Variants in TBCEL observed in about 807,000 individuals in gnomAD.
TBCEL encodes tubulin folding cofactor E like, also known as tubulin-specific chaperone cofactor E-like protein.
Under a neutral mutation model 44.2 loss-of-function variants are expected in TBCEL, and 15 were observed. That is an observed-to-expected ratio of 0.34 (90% CI 0.23 to 0.52). The LOEUF (loss-of-function observed/expected upper bound fraction) is 0.52. TBCEL is among the 20% of genes least tolerant of loss of function. The pLI, the probability that TBCEL is intolerant of heterozygous loss-of-function variation, is 0.95. For synonymous variants in TBCEL, 171 were observed against 185.4 expected (o/e 0.92, Z 0.63); for missense variants, 319 against 506.3 (o/e 0.63, Z 3.55).
chr11:121,035,722 T>G (rs964579679), intron 1 of TBCEL: 3 of 152,204 alleles, frequency 2.0e-5, no homozygotes, highest in Admixed American at 6.5e-5. Flanking sequence ...CTTAAACTTG[T>G]GTGTTCACAG....
At chr11:121,075,192 A>G (rs1210717647) in intron 8 of TBCEL, among the ~76,000 whole-genome samples, 1 of 152,036 alleles carries the variant, frequency 6.6e-6, no homozygotes, top group Non-Finnish European at 1.5e-5. Flanking sequence ...GATACTGGTC[A>G]CAAACATACA....
intron 8 of TBCEL, among the ~76,000 whole-genome samples, chr11:121,074,520 C>G (rs1209698927): frequency 2.6e-5 from 4 of 151,824 alleles, no homozygotes; most frequent in African/African-American, 9.7e-5. Context: ...CTATTTCTGC[C>G]TTTCCATTTT....
At chr11:121,083,430 A>G (rs1392335582) in intron 8 of TBCEL, among the ~76,000 whole-genome samples, 2 of 152,244 alleles carry the variant, frequency 1.3e-5, no homozygotes, top group Admixed American at 6.5e-5. Context: ...ACGAAAGACT[A>G]GAAGAGAACA....
intron 8 of TBCEL, among the ~76,000 whole-genome samples, chr11:121,081,537 A>G (rs1189021594): frequency 6.6e-6 from 1 of 152,174 alleles, no homozygotes; most frequent in Non-Finnish European, 1.5e-5. Context: ...GAAACCATCT[A>G]CCTCTTCAGA....
rs1591429479 is a variant in TBCEL, at chr11:121,090,215, AAG to A, written c.*3121_*3122del. On this transcript the variant is annotated 3_prime_UTR_variant, in exon 9 of 9. Coordinates refer to ENST00000683345, the MANE Select transcript of TBCEL (RefSeq NM_001363644.2). ...TTTTTAAAGATTTTGCTTATTTTTAAAGACAGGAAAATTCAGTTCTAACCAGA... is the reference window on the plus strand; with the variant it reads ...TTTTTAAAGATTTTGCTTATTTTTAAACAGGAAAATTCAGTTCTAACCAGA... 1.3e-5 allele frequency: 2 copies of A among 152,190 alleles called. No individual in the cohort carries two copies. The highest frequency in any genetic ancestry group is 3.8e-4 in the East Asian group (2 of 5,198). 9.4% of individuals were successfully genotyped at this position (152,190 alleles called of 1,614,324 possible). A position where few individuals can be genotyped will look rare whatever the true frequency, so the allele number is the denominator to read the frequency against.
intron 2 of TBCEL, among the ~76,000 whole-genome samples, chr11:121,041,791 T>G (rs1945337913): frequency 6.6e-6 from 1 of 151,924 alleles, no homozygotes; most frequent in African/African-American, 2.4e-5. Flanking sequence ...CATTTCACAA[T>G]CTTGATGTTC....
In TBCEL at chr11:121,045,659, C is replaced by T; in HGVS notation, c.-17-15C>T. The T allele has an allele frequency of 6.5e-7, 1 of 1,538,682 alleles. No homozygotes were observed. On this transcript the variant is annotated splice_polypyrimidine_tract_variant and intron_variant, in intron 2 of 8. Transcript: ENST00000683345. Reference sequence around the variant, plus strand: ...ACATAATTACATAATTTGATTATTTCTTGGTTTCTTGTAGCATTTTAAGAA... The same window carrying T: ...ACATAATTACATAATTTGATTATTTTTTGGTTTCTTGTAGCATTTTAAGAA...
chr11:121,089,460 T>C lies in TBCEL; in HGVS notation c.*2364T>C, dbSNP rs1314223910. On this transcript the variant is annotated 3_prime_UTR_variant, in exon 9 of 9. Coordinates refer to ENST00000683345, the MANE Select transcript of TBCEL (RefSeq NM_001363644.2). Reference sequence around the variant, plus strand: ...TGGTTTTAATAATTGCTGAATAATTTTTGATTAAGAGAAAAATGTAATACA... The same window carrying C: ...TGGTTTTAATAATTGCTGAATAATTCTTGATTAAGAGAAAAATGTAATACA... 1 of 152,186 alleles carries C rather than the reference T, an allele frequency of 6.6e-6. No individual in the cohort carries two copies. Among genetic ancestry groups the C allele is most frequent in the Non-Finnish European group, 1.5e-5 (1 of 68,032 alleles). The allele number at this position is 152,186 out of a possible 1,614,324, so 9.4% of individuals were successfully genotyped here. A position where few individuals can be genotyped will look rare whatever the true frequency, so the allele number is the denominator to read the frequency against.
intron 8 of TBCEL, among the ~76,000 whole-genome samples, chr11:121,080,642 G>GA (rs1946108446): frequency 6.6e-6 from 1 of 152,126 alleles, no homozygotes; most frequent in African/African-American, 2.4e-5. Flanking sequence ...TCAAACCTGA[G>GA]AAAAAATTAA....
intron 2 of TBCEL, among the ~76,000 whole-genome samples, chr11:121,044,723 A>G (rs1411398666): frequency 6.6e-6 from 1 of 152,100 alleles, no homozygotes; most frequent in East Asian, 1.9e-4. Flanking sequence ...GTTTTAATGT[A>G]TGCATGAGTC....
At chr11:121,029,547 A>T (rs1036218500) in intron 1 of TBCEL, among the ~76,000 whole-genome samples, 2 of 152,236 alleles carry the variant, frequency 1.3e-5, no homozygotes, top group African/African-American at 4.8e-5. Context: ...CACAGTAGTC[A>T]TAAGTGAACT....
At chr11:121,068,195 C>G (rs1945856013) in intron 8 of TBCEL, among the ~76,000 whole-genome samples, 1 of 152,182 alleles carries the variant, frequency 6.6e-6, no homozygotes, top group Non-Finnish European at 1.5e-5. Flanking sequence ...ATGTTTAAAC[C>G]TAGTGTGTCC....
intron 8 of TBCEL, among the ~76,000 whole-genome samples, chr11:121,062,154 T>C (rs1354251699): frequency 1.3e-5 from 2 of 151,958 alleles, no homozygotes; most frequent in Non-Finnish European, 2.9e-5. Flanking sequence ...AGGATCAATA[T>C]CACTATCTTC....
chr11:121,042,081 A>G (rs1183129231), intron 2 of TBCEL, among the ~76,000 whole-genome samples: 2 of 152,086 alleles, frequency 1.3e-5, no homozygotes, highest in Non-Finnish European at 2.9e-5. Flanking sequence ...TAAATTGTAT[A>G]TAAGATTATT....
At chr11:121,052,266 A>G (rs770708593) in intron 4 of TBCEL, among the ~76,000 whole-genome samples, 4 of 151,870 alleles carry the variant, frequency 2.6e-5, no homozygotes, top group Non-Finnish European at 5.9e-5. Context: ...CTGCTTTTAT[A>G]GAGCTTACAT....
intron 6 of TBCEL, chr11:121,057,695 A>G (rs1945646806): frequency 2.3e-6 from 1 of 442,612 alleles, no homozygotes; most frequent in South Asian, 1.6e-5. Flanking sequence ...AATTATTTAC[A>G]TTGTATTAGC....
At chr11:121,086,212 C>T (rs534048880) in intron 8 of TBCEL, among the ~76,000 whole-genome samples, 1 of 152,122 alleles carries the variant, frequency 6.6e-6, no homozygotes, top group South Asian at 2.1e-4. Flanking sequence ...CCACTTTTTT[C>T]CAAGAATGTA....
chr11:121,035,044 A>T (rs1034691237), intron 1 of TBCEL, among the ~76,000 whole-genome samples: 2 of 152,198 alleles, frequency 1.3e-5, no homozygotes, highest in African/African-American at 4.8e-5. Flanking sequence ...CCTAAAAATT[A>T]GCTTATTTAA....
At chr11:121,036,085 C>T (rs1945226621) in intron 1 of TBCEL, 1 of 152,172 alleles carries the variant, frequency 6.6e-6, no homozygotes, top group South Asian at 2.1e-4. Context: ...CACAAAAACC[C>T]AAGCAAGTTC....
Sources: allele counts gnomAD v4.1 joint callset (sites outside exome capture counted in the v4.1 genomes callset), GRCh38; gene constraint gnomAD v4.1.1; transcripts MANE v1.5; gene names NCBI Gene and HGNC (gene_info 2026-07-23, HGNC 2026-07-21).